The following MLPH variants were observed in gnomAD, a reference collection of about 807,000 sequenced individuals.
MLPH encodes exophilin-3.
In MLPH, 51 loss-of-function variants were observed where a neutral mutation model predicts 72.1. The ratio of observed to expected loss-of-function variants is 0.71; its 90% CI spans 0.56 to 0.89. The LOEUF (loss-of-function observed/expected upper bound fraction) is 0.89. Among genes scored for constraint, MLPH ranks in the 40% least tolerant of loss-of-function variants. The pLI, the probability that MLPH is intolerant of heterozygous loss-of-function variation, is 0.00. For synonymous variants in MLPH, 301 were observed against 310.1 expected, an observed-to-expected ratio of 0.97 and a Z score of 0.31; for missense variants, 743 against 759.9, an observed-to-expected ratio of 0.98 and a Z score of 0.26.
Position 237,510,461 on chromosome 2 carries a change from G to C in MLPH, c.111-113G>C. The C allele has an allele frequency of 5.1e-6, 5 of 981,518 alleles. No homozygotes were observed. Among genetic ancestry groups the C allele is most frequent in the Non-Finnish European group, 8.0e-6 (5 of 628,744 alleles). The allele number at this position is 981,518 out of a possible 1,614,324, so 60.8% of individuals were successfully genotyped here. ...GTTTTCTGCATAGGAGACAGTTACT[G>C]TGTGTGTGTATGTGTCTGTGTCTGT... On this transcript the variant is annotated intron_variant, in intron 2 of 15. Coordinates refer to ENST00000264605, the MANE Select transcript of MLPH (RefSeq NM_024101.7). This position sits in a 1 kb window ranked among gnomAD's most constrained non-coding sequence, Gnocchi z 4.4.
intron 13 of MLPH, among the ~76,000 whole-genome samples, chr2:237,547,853 C>T (rs938636738): frequency 2.6e-5 from 4 of 151,474 alleles, no homozygotes; most frequent in South Asian, 2.1e-4. Flanking sequence ...AGTTGCTCCC[C>T]GTGTTCAGGT....
Position 237,540,381 on chromosome 2 carries a change from G to A in MLPH, c.1138G>A (p.Val380Ile), listed in dbSNP as rs751494893. ...TGCTGGAGTGCGCACGGAGGCCGATGTAGAGGAGGAGGCCCTGAGGAGGAA... is the reference window on the plus strand; with the variant it reads ...TGCTGGAGTGCGCACGGAGGCCGATATAGAGGAGGAGGCCCTGAGGAGGAA... ...LGAGVRTEAD[V>I]EEEALRRKLE... The change falls in exon 10 of 16, where the codon GTA becomes ATA. Residue 380 changes from valine to isoleucine, a missense_variant. Transcript: ENST00000264605. 1 of 1,613,778 alleles carries A rather than the reference G, an allele frequency of 6.2e-7. No homozygotes were observed. The highest frequency in any genetic ancestry group is 8.5e-7 in the Non-Finnish European group (1 of 1,180,038).
chr2:237,526,494 G>C (rs1245251535), intron 7 of MLPH, among the ~76,000 whole-genome samples: 1 of 152,126 alleles, frequency 6.6e-6, no homozygotes, highest in African/African-American at 2.4e-5. Flanking sequence ...TGGAGGCTTT[G>C]GGAGGAAGGC....
At chr2:237,540,289 T>C in intron 9 of MLPH, 59 bp from the exon 10 acceptor site, 1 of 1,596,450 alleles carries the variant, frequency 6.3e-7, no homozygotes, top group Non-Finnish European at 8.5e-7. Context: ...GAGCCAGCCC[T>C]GGAGCTCCAT....
At chr2:237,520,423 G>A (rs539151777) in intron 6 of MLPH, among the ~76,000 whole-genome samples, 19 of 152,098 alleles carry the variant, frequency 1.2e-4, no homozygotes, top group South Asian at 4.2e-4. Context: ...CTACATCTCC[G>A]TCTTACTGGG....
chr2:237,500,210 T>C (rs966388396), intron 2 of MLPH, among the ~76,000 whole-genome samples: 1 of 152,200 alleles, frequency 6.6e-6, no homozygotes, highest in African/African-American at 2.4e-5. Context: ...ATATTCCCTT[T>C]CGCAGGGTCG....
chr2:237,509,440 G>A lies in MLPH; in HGVS notation c.111-1134G>A, dbSNP rs138773404. 2.0e-5 allele frequency among the ~76,000 whole-genome samples: 3 copies of A among 152,320 alleles called. No homozygotes were observed. The East Asian group carries it at 5.8e-4, about 29-fold the overall frequency. On this transcript the variant is annotated intron_variant, in intron 2 of 15. Transcript: ENST00000264605. ...ACAAGCCCTGTCCAGCGAAGGGGTG[G>A]CCTCCAGGTTTTCTGGTTGGTGCAG...
At chr2:237,526,592 C>T (rs1415457356) in intron 7 of MLPH, among the ~76,000 whole-genome samples, 2 of 152,174 alleles carry the variant, frequency 1.3e-5, no homozygotes, top group African/African-American at 4.8e-5. Context: ...AGTTTTATTT[C>T]CTCTGTGATC....
intron 1 of MLPH, among the ~76,000 whole-genome samples, chr2:237,490,432 T>C (rs1446756766): frequency 1.3e-5 from 2 of 152,226 alleles, no homozygotes; most frequent in Non-Finnish European, 2.9e-5. Context: ...GTGATCTTTT[T>C]ATCCATTCAC....
In MLPH at chr2:237,525,654, C is replaced by T. The variant is rs764261928; in HGVS notation, c.729C>T (p.Gly243=). 1 of 1,614,104 alleles carries T rather than the reference C, an allele frequency of 6.2e-7. No individual in the cohort carries two copies. Among genetic ancestry groups the T allele is most frequent in the Non-Finnish European group, 8.5e-7 (1 of 1,180,014 alleles). ...SEKAAPHKAE[G]LEEADTGASG... is the part of the protein sequence containing the mutation. ...AGGCAGCCCCTCACAAGGCTGAGGGCCTGGAGGAGGCTGATACTGGGGCCT... is the reference window on the plus strand; with the variant it reads ...AGGCAGCCCCTCACAAGGCTGAGGGTCTGGAGGAGGCTGATACTGGGGCCT... Residue 243 remains glycine, a synonymous_variant, in exon 7 of 16, where the codon GGC becomes GGT. Transcript: ENST00000264605.
At chr2:237,515,007 C>T (rs1206425475) in intron 4 of MLPH, among the ~76,000 whole-genome samples, 2 of 152,204 alleles carry the variant, frequency 1.3e-5, no homozygotes, top group East Asian at 1.9e-4. Context: ...TAAAGTCCGT[C>T]GTTCAGATTT....
At chr2:237,544,410 G>A (rs558516750) in intron 12 of MLPH, among the ~76,000 whole-genome samples, 3 of 45,674 alleles carry the variant, frequency 6.6e-5, no homozygotes, top group African/African-American at 2.2e-4. Flanking sequence ...TGGGGACAGT[G>A]GTGAGTCGGG....
rs78824800 is a variant in MLPH at position 237,551,111 on chromosome 2, G to A, written c.1676-1226G>A. ...TGGCCACGGGAGCTTTTCACTGTCTGCAGAGGCCAGCCCCGCACACTGGCA... is the reference window on the plus strand; with the variant it reads ...TGGCCACGGGAGCTTTTCACTGTCTACAGAGGCCAGCCCCGCACACTGGCA... On this transcript the variant is annotated intron_variant, in intron 14 of 15. Transcript: ENST00000264605. 2.8e-3 allele frequency among the ~76,000 whole-genome samples: 430 copies of A among 152,314 alleles called. 1 individual carries two copies. The highest frequency in any genetic ancestry group is 9.8e-3 in the African/African-American group (406 of 41,530).
Position 237,510,394 on chromosome 2 carries a change from A to G in MLPH, c.111-180A>G, listed in dbSNP as rs958878415. On this transcript the variant is annotated intron_variant, in intron 2 of 15. Transcript: ENST00000264605. This position sits in a 1 kb window ranked among gnomAD's most constrained non-coding sequence, Gnocchi z 4.4. ...ATTGCCCGTTTGAGCTCAGCCCTCA[A>G]AACAAAGATGCCTGTGTGGCTTTGC... 1.3e-4 allele frequency: 88 copies of G among 700,454 alleles called. No individual in the cohort carries two copies. Among genetic ancestry groups the G allele is most frequent in the Middle Eastern group, 7.5e-4 (2 of 2,680 alleles). The allele number at this position is 700,454 out of a possible 1,614,324, so 43.4% of individuals were successfully genotyped here.
intron 4 of MLPH, chr2:237,518,289 G>A (rs1312256052): frequency 1.7e-6 from 1 of 589,900 alleles, no homozygotes; most frequent in Non-Finnish European, 3.1e-6. Flanking sequence ...TTGAGTAGGT[G>A]GATGAGTGGA....
chr2:237,535,325 C>T lies in MLPH; in HGVS notation c.1104+678C>T, dbSNP rs142521342. On this transcript the variant is annotated intron_variant, in intron 9 of 15. Coordinates refer to ENST00000264605, the MANE Select transcript of MLPH (RefSeq NM_024101.7). ...TCCATTCATGAAGGCAGAGCCCTCA[C>T]GACCTAATCACCTCTTGAAGGTCCC... Among the ~76,000 whole-genome samples the T allele has an allele frequency of 3.6e-3, 555 of 152,230 alleles. 1 individual carries two copies. The highest frequency in any genetic ancestry group is 6.6e-3 in the Admixed American group (101 of 15,304).
chr2:237,510,166 TG>T lies in MLPH; in HGVS notation c.111-407del. 2 of 311,662 alleles carry T rather than the reference TG, an allele frequency of 6.4e-6. No homozygotes were observed. Among genetic ancestry groups the T allele is most frequent in the South Asian group, 6.0e-5 (2 of 33,418 alleles). The allele number at this position is 311,662 out of a possible 1,614,324, so 19.3% of individuals were successfully genotyped here. ...AAACCTGGGGCGTTAGCTCAACTCTTGCCCCCCTGCTGAAGGAGACCAAAAC... is the reference window on the plus strand; with the variant it reads ...AAACCTGGGGCGTTAGCTCAACTCTTCCCCCCTGCTGAAGGAGACCAAAAC... On this transcript the variant is annotated intron_variant, in intron 2 of 15. Transcript: ENST00000264605. The surrounding 1 kb of genome is among the most constrained non-coding windows in gnomAD (Gnocchi z 4.4).
intron 6 of MLPH, among the ~76,000 whole-genome samples, 157 bp from the exon 7 acceptor site, chr2:237,525,444 C>T (rs1422723481): frequency 6.6e-6 from 1 of 152,228 alleles, no homozygotes; most frequent in African/African-American, 2.4e-5. Context: ...TGAAATTAAA[C>T]AGAACTGAGT....
At position 237,505,852 on chromosome 2, in the gene MLPH, C is replaced by G. The variant is rs1489620416; in HGVS notation, c.111-4722C>G. On this transcript the variant is annotated intron_variant, in intron 2 of 15. Coordinates refer to ENST00000264605, the MANE Select transcript of MLPH (RefSeq NM_024101.7). This position sits in a 1 kb window ranked among gnomAD's most constrained non-coding sequence, Gnocchi z 4.5. ...CCAGTCACAGCTCTGGCATGCGTGT[C>G]CCAGGGCCCTCTGGAGGTGGGACTG... 6.6e-6 allele frequency among the ~76,000 whole-genome samples: 1 copy of G among 152,214 alleles called. No individual in the cohort carries two copies. The highest frequency in any genetic ancestry group is 1.5e-5 in the Non-Finnish European group (1 of 68,028).
Sources: allele counts gnomAD v4.1 joint callset (sites outside exome capture counted in the v4.1 genomes callset), GRCh38; gene constraint gnomAD v4.1.1; non-coding constraint Gnocchi (gnomAD v3.1); transcripts MANE v1.5; gene names NCBI Gene and HGNC (gene_info 2026-07-23, HGNC 2026-07-21).